NT5C2: variants seen among roughly 807,000 people sequenced by gnomAD.
The protein encoded by NT5C2 is cytosolic purine 5'-nucleotidase.
NT5C2 carries 58 observed loss-of-function variants against 76.1 expected under a neutral mutation model. That is an observed-to-expected ratio of 0.76 (90% CI 0.62 to 0.95). NT5C2 has a LOEUF of 0.95. Among genes scored for constraint, NT5C2 ranks in the 40% least tolerant of loss-of-function variants. The pLI is 0.00. For missense variants in NT5C2, 478 were observed against 690.3 expected, an observed-to-expected ratio of 0.69 and a Z score of 3.45; for synonymous variants, 229 against 237.4, an observed-to-expected ratio of 0.96 and a Z score of 0.32.
At position 103,095,966 on chromosome 10, in the gene NT5C2, G is replaced by GT; in HGVS notation, c.785dup (p.Tyr262Ter). The GT allele has an allele frequency of 6.2e-7, 1 of 1,613,368 alleles. No homozygotes were observed. Among genetic ancestry groups the GT allele is most frequent in the Non-Finnish European group, 8.5e-7 (1 of 1,179,506 alleles). ...TGGGGCCATGTGGGAAGTCAAACAG[G>GT]TAAGTCATAATTTTCTGGAAAAAAA... ...DYKYTDKIMTYLFDFPHGPKP... is the reference protein window; with the variant it reads ...DYKYTDKIMT The change falls in exon 12 of 19, where the codon TAC becomes TAAC. Residue 262 changes from tyrosine to a stop codon, truncating the protein, a stop_gained and frameshift_variant. Coordinates refer to ENST00000404739, the MANE Select transcript of NT5C2 (RefSeq NM_001351169.2). LOFTEE classifies it high-confidence loss of function.
At chr10:103,117,443 T>TC (rs1381793358) in intron 4 of NT5C2, among the ~76,000 whole-genome samples, 2 of 152,164 alleles carry the variant, frequency 1.3e-5, no homozygotes, top group Non-Finnish European at 2.9e-5. Flanking sequence ...GCCCAGCAGT[T>TC]CAAGATCCAA....
chr10:103,174,917 A>T lies in NT5C2; in HGVS notation c.42T>A (p.Asp14Glu). 6.2e-7 allele frequency: 1 copy of T among 1,613,084 alleles called. No homozygotes were observed. Among genetic ancestry groups the T allele is most frequent in the South Asian group, 1.1e-5 (1 of 91,066 alleles). ...CATGCTTATCCATGTTAGCAGGCAT[A>T]TCTGCTGCATTCTGTAACCGATCAC... ...SWSDRLQNAADMPANMDKHAL... is the reference protein window; with the variant it reads ...SWSDRLQNAAEMPANMDKHAL... The change falls in exon 3 of 19, where the codon GAT becomes GAA. Residue 14 changes from aspartate to glutamate, a missense_variant. Coordinates refer to ENST00000404739, the MANE Select transcript of NT5C2 (RefSeq NM_001351169.2).
chr10:103,167,083 T>G (rs1414349927), intron 3 of NT5C2, among the ~76,000 whole-genome samples: 1 of 151,682 alleles, frequency 6.6e-6, no homozygotes, highest in African/African-American at 2.4e-5. Flanking sequence ...TGGTAAAATC[T>G]CAGCTCACTG....
At chr10:103,146,345 C>T (rs1304219392) in intron 3 of NT5C2, 3 of 985,318 alleles carry the variant, frequency 3.0e-6, no homozygotes, top group Non-Finnish European at 3.6e-6. Context: ...GTCACAATTT[C>T]CTGGCCAAGT....
intron 1 of NT5C2, among the ~76,000 whole-genome samples, chr10:103,183,262 GATATATATATATA>G (rs1263972619): frequency 8.2e-5 from 6 of 73,344 alleles, no homozygotes; most frequent in Admixed American, 4.9e-4. Context: ...GTGTGTGTGT[GATATATATATATA>G]TATATATATA....
chr10:103,093,173 G>T lies in NT5C2; in HGVS notation c.1125C>A (p.Leu375=). 1 of 1,609,724 alleles carries T rather than the reference G, an allele frequency of 6.2e-7. No homozygotes were observed. Among genetic ancestry groups the T allele is most frequent in the African/African-American group, 1.3e-5 (1 of 74,676 alleles). ...CAGTCCAGACATGTAGCTCCTGTGC[G>T]AGTTCAGGAATCACCAAAAAAGTTC... The part of the protein sequence containing the change: ...GWRTFLVIPE[L]AQELHVWTDK... The change falls in exon 15 of 19, where the codon CTC becomes CTA. Residue 375 remains leucine (L), a synonymous_variant. Coordinates refer to ENST00000404739, the MANE Select transcript of NT5C2 (RefSeq NM_001351169.2).
At chr10:103,126,846 G>GT (rs2076760982) in intron 4 of NT5C2, among the ~76,000 whole-genome samples, 1 of 152,140 alleles carries the variant, frequency 6.6e-6, no homozygotes. Flanking sequence ...AGGTCTTGAT[G>GT]TATCACCCAG....
intron 2 of NT5C2, chr10:103,175,884 C>T (rs1476443819): frequency 6.3e-6 from 1 of 157,616 alleles, no homozygotes; most frequent in Non-Finnish European, 1.4e-5. Flanking sequence ...GTTCTTCTGC[C>T]TCTCAGCCAG....
chr10:103,135,644 C>T (rs765347008), intron 4 of NT5C2, among the ~76,000 whole-genome samples: 6 of 151,856 alleles, frequency 4.0e-5, no homozygotes, highest in Non-Finnish European at 8.8e-5. Flanking sequence ...AAAAATTAGC[C>T]GGGCATAGTG....
At chr10:103,163,495 TTTAA>T (rs1202391483) in intron 3 of NT5C2, among the ~76,000 whole-genome samples, 2 of 152,228 alleles carry the variant, frequency 1.3e-5, no homozygotes, top group Non-Finnish European at 2.9e-5. Flanking sequence ...ATACAGTTGC[TTTAA>T]TTTTTATCTT....
In NT5C2 at chr10:103,155,883, G is replaced by A. The variant is rs911727899; in HGVS notation, c.102-16404C>T. On this transcript the variant is annotated intron_variant, in intron 3 of 18. Coordinates refer to ENST00000404739, the MANE Select transcript of NT5C2 (RefSeq NM_001351169.2). ...TAACATTATTTAAAAAATGAATTTG[G>A]CCAGGTGCCATGGCTCACACCTGTA... Among the ~76,000 whole-genome samples, 6 of 152,094 alleles carry A rather than the reference G, an allele frequency of 3.9e-5. No homozygotes were observed. The East Asian group carries it at 1.2e-3, about 29-fold the overall frequency.
chr10:103,183,260 G>GATATATATATA (rs1177155271), intron 1 of NT5C2, among the ~76,000 whole-genome samples: 2 of 38,796 alleles, frequency 5.2e-5, no homozygotes, highest in Non-Finnish European at 8.8e-5. Context: ...ATGTGTGTGT[G>GATATATATATA]TGATATATAT....
chr10:103,132,084 C>A (rs946701870), intron 4 of NT5C2, among the ~76,000 whole-genome samples: 6 of 151,610 alleles, frequency 4.0e-5, no homozygotes, highest in Non-Finnish European at 4.4e-5. Flanking sequence ...CTACTAAATA[C>A]AAGAAATTAG....
chr10:103,182,054 G>A (rs1365013120), intron 1 of NT5C2, among the ~76,000 whole-genome samples: 1 of 151,304 alleles, frequency 6.6e-6, no homozygotes, highest in African/African-American at 2.4e-5. Flanking sequence ...TTCTTTTCAT[G>A]ACAATTCTGC....
chr10:103,106,824 T>C (rs1429703260), intron 4 of NT5C2, 118 bp from the exon 5 acceptor site: 41 of 713,844 alleles, frequency 5.7e-5, no homozygotes, highest in Non-Finnish European at 7.5e-6. Context: ...CTGCCATTTT[T>C]CTTCTTCCCC....
intron 15 of NT5C2, 106 bp downstream of exon 15, chr10:103,093,033 G>T: frequency 1.1e-6 from 1 of 910,212 alleles, no homozygotes; most frequent in Non-Finnish European, 1.6e-6. Flanking sequence ...CCTGCCTTTT[G>T]ACCACCTCTG....
At chr10:103,164,562 A>G (rs897477815) in intron 3 of NT5C2, among the ~76,000 whole-genome samples, 2 of 152,122 alleles carry the variant, frequency 1.3e-5, no homozygotes, top group Non-Finnish European at 2.9e-5. Flanking sequence ...GGCCAAAAAC[A>G]ATGTTTTTAG....
intron 3 of NT5C2, among the ~76,000 whole-genome samples, chr10:103,173,507 C>T (rs1484811762): frequency 2.0e-5 from 3 of 149,796 alleles, no homozygotes; most frequent in Non-Finnish European, 4.4e-5. Context: ...GTCCCAGCTA[C>T]TTGGGAGGCT....
chr10:103,151,281 A>G (rs961548717), intron 3 of NT5C2, among the ~76,000 whole-genome samples: 7 of 152,084 alleles, frequency 4.6e-5, no homozygotes, highest in Non-Finnish European at 7.4e-5. Flanking sequence ...CCTGACCAAC[A>G]TGGAGAAATC....
Sources: allele counts gnomAD v4.1 joint callset (sites outside exome capture counted in the v4.1 genomes callset), GRCh38; gene constraint gnomAD v4.1.1; transcripts MANE v1.5; gene names NCBI Gene and HGNC (gene_info 2026-07-23, HGNC 2026-07-21).